BCR: variants seen among roughly 807,000 people sequenced by gnomAD.
BCR encodes breakpoint cluster region protein.
BCR carries 58 observed loss-of-function variants against 138.6 expected under a neutral mutation model. The observed-to-expected ratio is 0.42, with a 90% CI of 0.34 to 0.52. The LOEUF (loss-of-function observed/expected upper bound fraction) is 0.52. BCR is among the 20% of genes least tolerant of loss of function. The pLI, the probability that BCR is intolerant of heterozygous loss-of-function variation, is 0.06. For missense variants in BCR, 1,599 were observed against 1,727.2 expected (o/e 0.93, Z 1.32); for synonymous variants, 786 against 730.1 (o/e 1.08, Z -1.23).
Position 23,315,779 on chromosome 22 carries a change from G to T in BCR, c.*257G>T, listed in dbSNP as rs28379041. 2,534 of 579,494 alleles carry T rather than the reference G, an allele frequency of 4.4e-3. 46 individuals are homozygous for T. Among genetic ancestry groups the T allele is most frequent in the South Asian group, 0.029 (1,776 of 60,680 alleles). The allele number at this position is 579,494 out of a possible 1,614,324, so 35.9% of individuals were successfully genotyped here. ...AGGGCGCCCCAAGCCAGTTCATCTC[G>T]GAGTCCAGGCCTGGCCCTGGGAGAC... On this transcript the variant is annotated 3_prime_UTR_variant, in exon 23 of 23. Coordinates refer to ENST00000305877, the MANE Select transcript of BCR (RefSeq NM_004327.4).
At chr22:23,311,105 G>A (rs2074002397) in intron 18 of BCR, among the ~76,000 whole-genome samples, 2 of 130,150 alleles carry the variant, frequency 1.5e-5, no homozygotes, top group Admixed American at 1.6e-4. Flanking sequence ...TCAAGTTAAG[G>A]CCTCCGCACA....
intron 1 of BCR, among the ~76,000 whole-genome samples, chr22:23,202,980 C>A (rs1025316006): frequency 1.6e-4 from 24 of 152,098 alleles, no homozygotes; most frequent in Admixed American, 9.2e-4. Flanking sequence ...ACCTCAGCCT[C>A]CTGAGTAGCT....
chr22:23,283,087 T>G (rs1421673208), intron 8 of BCR: 2 of 152,218 alleles, frequency 1.3e-5, no homozygotes, highest in African/African-American at 4.8e-5. Context: ...TGCGACAGCC[T>G]CTCCTCCTGT....
chr22:23,192,636 C>T (rs2072429829), intron 1 of BCR, among the ~76,000 whole-genome samples: 1 of 152,214 alleles, frequency 6.6e-6, no homozygotes, highest in African/African-American at 2.4e-5. Context: ...CTTGATAGCT[C>T]CTTCTGGGAC....
chr22:23,200,378 ACT>A (rs1398142148), intron 1 of BCR, among the ~76,000 whole-genome samples: 1 of 151,686 alleles, frequency 6.6e-6, no homozygotes, highest in Non-Finnish European at 1.5e-5. Context: ...GCAGTGGCAC[ACT>A]CACAACTCAC....
intron 1 of BCR, among the ~76,000 whole-genome samples, chr22:23,233,799 A>G (rs1034647045): frequency 1.0e-5 from 1 of 95,800 alleles, no homozygotes; most frequent in Non-Finnish European, 2.1e-5. Flanking sequence ...CAAAAAAAAA[A>G]AAAAGAAAAA....
intron 6 of BCR, among the ~76,000 whole-genome samples, chr22:23,272,435 C>T: frequency 6.6e-6 from 1 of 152,158 alleles, no homozygotes; most frequent in Non-Finnish European, 1.5e-5. Context: ...TCAGAACACA[C>T]CTGAGCGTCT....
chr22:23,273,120 C>T lies in BCR; in HGVS notation c.1961C>T (p.Thr654Met), dbSNP rs545151385. 2.5e-6 allele frequency: 4 copies of T among 1,613,514 alleles called. No homozygotes were observed. In the South Asian group the frequency reaches 3.3e-5, roughly 13 times the overall value. ...YKPVDRVTRS[T>M]LVLHDLLKHT... ...CCTGTGGACCGTGTGACGAGGAGCA[C>T]GCTGGTCCTCCATGTAAGTCACAGC... Residue 654 changes from threonine to methionine, a missense_variant, in exon 7 of 23, where the codon ACG (threonine) becomes ATG (methionine). Physicochemically the swap from Thr to Met is moderately conservative, Grantham distance 81. Coordinates refer to ENST00000305877, the MANE Select transcript of BCR (RefSeq NM_004327.4).
At chr22:23,281,238 C>T (rs960914277) in intron 8 of BCR, among the ~76,000 whole-genome samples, 2 of 152,252 alleles carry the variant, frequency 1.3e-5, no homozygotes, top group African/African-American at 4.8e-5. Context: ...GAGGCCCTGG[C>T]CCTCTCTGTC....
At chr22:23,266,186 G>A (rs543055708) in intron 4 of BCR, among the ~76,000 whole-genome samples, 81 of 152,128 alleles carry the variant, frequency 5.3e-4, no homozygotes, top group African/African-American at 1.9e-3. Context: ...CTGGGTTCAG[G>A]CGATTCTCCT....
intron 1 of BCR, among the ~76,000 whole-genome samples, chr22:23,190,892 T>G (rs1386655679): frequency 6.6e-6 from 1 of 152,192 alleles, no homozygotes; most frequent in African/African-American, 2.4e-5. Flanking sequence ...TAAGGTTCTT[T>G]CGTTAGCTTC....
intron 16 of BCR, 72 bp downstream of exon 16, chr22:23,295,227 G>A (rs1362539281): frequency 4.5e-6 from 6 of 1,330,274 alleles, no homozygotes; most frequent in Non-Finnish European, 6.1e-6. Context: ...TGGGGACACT[G>A]AGATGGTCAT....
At chr22:23,202,367 A>G (rs1286461046) in intron 1 of BCR, among the ~76,000 whole-genome samples, 1 of 152,222 alleles carries the variant, frequency 6.6e-6, no homozygotes, top group Non-Finnish European at 1.5e-5. Flanking sequence ...TTATGGTAAA[A>G]TAACATAAAA....
At chr22:23,284,897 A>T (rs2073692891) in intron 9 of BCR, 136 bp from the exon 10 acceptor site, 1 of 952,206 alleles carries the variant, frequency 1.1e-6, no homozygotes, top group Non-Finnish European at 1.6e-6. Context: ...AGTCTGTCCC[A>T]TGGAACACGT....
At position 23,315,983 on chromosome 22, in the gene BCR, G is replaced by A. The variant is rs922233880; in HGVS notation, c.*461G>A. ...GGGGCCGTGGCCCTGTCCCTGTGTGGGTGGGGCCTCTTCCATTTCCCTGAC... is the reference window on the plus strand; with the variant it reads ...GGGGCCGTGGCCCTGTCCCTGTGTGAGTGGGGCCTCTTCCATTTCCCTGAC... On this transcript the variant is annotated 3_prime_UTR_variant, in exon 23 of 23. Transcript: ENST00000305877. 9 of 282,810 alleles carry A rather than the reference G, an allele frequency of 3.2e-5. No individual in the cohort carries two copies. The highest frequency in any genetic ancestry group is 5.2e-5 in the Non-Finnish European group (8 of 152,652). 17.5% of individuals were successfully genotyped at this position (282,810 alleles called of 1,614,324 possible). A position where few individuals can be genotyped will look rare whatever the true frequency, so the allele number is the denominator to read the frequency against.
intron 1 of BCR, among the ~76,000 whole-genome samples, chr22:23,192,039 G>A (rs1288886935): frequency 1.3e-5 from 2 of 152,204 alleles, no homozygotes; most frequent in African/African-American, 4.8e-5. Flanking sequence ...GTGGATGGTG[G>A]CTGGTGCCCA....
chr22:23,293,337 G>T (rs1280492600), intron 15 of BCR, among the ~76,000 whole-genome samples: 1 of 152,194 alleles, frequency 6.6e-6, no homozygotes, highest in Non-Finnish European at 1.5e-5. Flanking sequence ...GAAGGAGGAA[G>T]CCAAGAGCCC....
chr22:23,215,050 A>G (rs1372630697), intron 1 of BCR, among the ~76,000 whole-genome samples: 2 of 151,656 alleles, frequency 1.3e-5, no homozygotes, highest in South Asian at 2.1e-4. Context: ...GAATTTGACT[A>G]CTCTAGAGAC....
intron 1 of BCR, among the ~76,000 whole-genome samples, chr22:23,194,556 G>A (rs1043077376): frequency 1.5e-4 from 23 of 152,050 alleles, no homozygotes; most frequent in Admixed American, 7.2e-4. Flanking sequence ...AACTGCAGGC[G>A]CCTGCCACAA....
Sources: allele counts gnomAD v4.1 joint callset (sites outside exome capture counted in the v4.1 genomes callset), GRCh38; gene constraint gnomAD v4.1.1; transcripts MANE v1.5; gene names NCBI Gene and HGNC (gene_info 2026-07-23, HGNC 2026-07-21).